The following TMED8 variants were observed in gnomAD, a reference collection of about 807,000 sequenced individuals.
TMED8 encodes the protein protein TMED8.
Under a neutral mutation model 32.7 loss-of-function variants are expected in TMED8, and 15 were observed. The observed-to-expected ratio is 0.46, with a 90% CI of 0.31 to 0.71. The LOEUF is 0.71. Ranked by LOEUF, TMED8 falls within the 30% of genes least tolerant of loss-of-function variation. The pLI is 0.06. For missense variants in TMED8, 390 were observed against 423.9 expected (o/e 0.92, Z 0.70); for synonymous variants, 147 against 161.4 (o/e 0.91, Z 0.68).
chr14:77,355,587 C>A (rs537739031), intron 1 of TMED8, among the ~76,000 whole-genome samples: 1 of 152,278 alleles, frequency 6.6e-6, no homozygotes, highest in African/African-American at 2.4e-5. Context: ...GTTGTCCCAC[C>A]AATTCTTAAC....
chr14:77,335,154 C>G lies in TMED8; in HGVS notation c.*6617G>C, dbSNP rs1446415422. 4 of 152,202 alleles carry G rather than the reference C, an allele frequency of 2.6e-5. No individual in the cohort carries two copies. Among genetic ancestry groups the G allele is most frequent in the African/African-American group, 7.2e-5 (3 of 41,448 alleles). The allele number at this position is 152,202 out of a possible 1,614,324, so 9.4% of individuals were successfully genotyped here. A position where few individuals can be genotyped will look rare whatever the true frequency, so the allele number is the denominator to read the frequency against. On this transcript the variant is annotated 3_prime_UTR_variant, in exon 6 of 6. Coordinates refer to ENST00000216468, the MANE Select transcript of TMED8 (RefSeq NM_213601.3). ...AAGAACTGAGCTACTTGAAGAAGCA[C>G]AGCTCAGAATCATCAGTGTAATCGC... is the stretch of plus-strand genomic sequence containing the variant.
chr14:77,358,181 T>TCACACACACACA (rs75880149), intron 1 of TMED8, among the ~76,000 whole-genome samples: 4 of 145,346 alleles, frequency 2.8e-5, no homozygotes, highest in Non-Finnish European at 6.0e-5. Flanking sequence ...ATGTAATATA[T>TCACACACACACA]CACACACACA....
chr14:77,361,624 G>A (rs774568372), intron 1 of TMED8, among the ~76,000 whole-genome samples: 7 of 152,118 alleles, frequency 4.6e-5, no homozygotes, highest in Non-Finnish European at 8.8e-5. Context: ...TTTGGATTGG[G>A]ATTGTGTTAA....
intron 2 of TMED8, 101 bp downstream of exon 2, chr14:77,351,572 C>T: frequency 8.6e-7 from 1 of 1,163,612 alleles, no homozygotes; most frequent in Non-Finnish European, 1.2e-6. Flanking sequence ...ACATTCTTTA[C>T]TTTAACTTGC....
intron 1 of TMED8, among the ~76,000 whole-genome samples, chr14:77,369,134 C>T (rs1255203592): frequency 6.6e-6 from 1 of 152,106 alleles, no homozygotes; most frequent in African/African-American, 2.4e-5. Context: ...ATTCAATTGT[C>T]CCAGAAACAT....
At chr14:77,349,348 C>T (rs1482689452) in intron 2 of TMED8, among the ~76,000 whole-genome samples, 2 of 151,914 alleles carry the variant, frequency 1.3e-5, no homozygotes, top group Non-Finnish European at 1.5e-5. Context: ...AAACTTCTGA[C>T]CTCAGATGAT....
chr14:77,345,659 CAAAAAAAAAAAA>C (rs11297608), intron 3 of TMED8, among the ~76,000 whole-genome samples: 15 of 103,232 alleles, frequency 1.5e-4, no homozygotes, highest in Admixed American at 3.0e-4. Context: ...ACCTTTGTCT[CAAAAAAAAAAAA>C]AAAAAAAAAA....
rs1358731144 is a variant in TMED8, at chr14:77,341,537, T to C, written c.*234A>G. 2 of 558,120 alleles carry C rather than the reference T, an allele frequency of 3.6e-6. No homozygotes were observed. The highest frequency in any genetic ancestry group is 6.4e-6 in the Non-Finnish European group (2 of 311,434). 34.6% of individuals were successfully genotyped at this position (558,120 alleles called of 1,614,324 possible). On this transcript the variant is annotated 3_prime_UTR_variant, in exon 6 of 6. Coordinates refer to ENST00000216468, the MANE Select transcript of TMED8 (RefSeq NM_213601.3). ...GCCTTCAAGAGGGAATTTGCTGGAG[T>C]CTGAAGCAAGAAGGGTATGAGTCAG...
At position 77,354,825 on chromosome 14, in the gene TMED8, G is replaced by C. The variant is rs558730936; in HGVS notation, c.119-3074C>G. Reference sequence around the variant, plus strand: ...CAAAATTAGGTAGGTGTGGTGGCGAGCACCTGTAATCCCAGCTACTTGGGA... The same window carrying C: ...CAAAATTAGGTAGGTGTGGTGGCGACCACCTGTAATCCCAGCTACTTGGGA... On this transcript the variant is annotated intron_variant, in intron 1 of 5. Transcript: ENST00000216468. Among the ~76,000 whole-genome samples the C allele has an allele frequency of 5.9e-5, 9 of 152,162 alleles. No homozygotes were observed. The East Asian group carries it at 1.7e-3, about 29-fold the overall frequency.
Position 77,336,643 on chromosome 14 carries a change from AC to A in TMED8, c.*5127del, listed in dbSNP as rs1892766933. 6.8e-6 allele frequency: 1 copy of A among 146,352 alleles called. No individual in the cohort carries two copies. The highest frequency in any genetic ancestry group is 6.8e-5 in the Admixed American group (1 of 14,650). 9.1% of individuals were successfully genotyped at this position (146,352 alleles called of 1,614,324 possible). On this transcript the variant is annotated 3_prime_UTR_variant, in exon 6 of 6. Transcript: ENST00000216468. ...TGCTCTCCCCTCCCCCCATACTCCTACCCTTTGCCCCCTAATTTTATTTTGT... is the reference window on the plus strand; with the variant it reads ...TGCTCTCCCCTCCCCCCATACTCCTACCTTTGCCCCCTAATTTTATTTTGT...
At chr14:77,361,410 T>C (rs76949800) in intron 1 of TMED8, among the ~76,000 whole-genome samples, 2,550 of 152,320 alleles carry the variant, frequency 0.017, 68 homozygotes, top group African/African-American at 0.058. Flanking sequence ...CTTGGGTTTG[T>C]TTCTAGGCTC....
intron 1 of TMED8, among the ~76,000 whole-genome samples, chr14:77,353,402 A>AT (rs1893222054): frequency 6.6e-6 from 1 of 151,274 alleles, no homozygotes; most frequent in African/African-American, 2.4e-5. Flanking sequence ...CTCATGTTTT[A>AT]TATGTGAACA....
intron 1 of TMED8, among the ~76,000 whole-genome samples, chr14:77,364,638 C>T (rs56091500): frequency 0.034 from 5,228 of 152,258 alleles, 117 homozygotes; most frequent in Middle Eastern, 0.082. Context: ...AGTGATCCTC[C>T]TGCCTCAGCC....
At chr14:77,344,819 C>T (rs1362313430) in intron 3 of TMED8, among the ~76,000 whole-genome samples, 2 of 152,098 alleles carry the variant, frequency 1.3e-5, no homozygotes, top group African/African-American at 4.8e-5. Context: ...GAGAATAAGC[C>T]CTCCAGTTCT....
intron 2 of TMED8, among the ~76,000 whole-genome samples, chr14:77,351,446 A>G (rs1320134801): frequency 2.2e-5 from 2 of 92,578 alleles, no homozygotes; most frequent in Non-Finnish European, 4.0e-5. Flanking sequence ...GATTTTTAGT[A>G]GAGACGGGGT....
intron 1 of TMED8, among the ~76,000 whole-genome samples, chr14:77,362,263 T>C (rs769408400): frequency 1.1e-4 from 16 of 151,744 alleles, no homozygotes; most frequent in Non-Finnish European, 1.6e-4. Flanking sequence ...GTGATGAGAG[T>C]GGTCATCCTT....
intron 2 of TMED8, among the ~76,000 whole-genome samples, chr14:77,347,868 A>G (rs74063338): frequency 0.017 from 2,520 of 152,318 alleles, 58 homozygotes; most frequent in African/African-American, 0.058. Flanking sequence ...TTTGAATGGC[A>G]GTTATCCAAG....
At chr14:77,354,719 C>G (rs905705155) in intron 1 of TMED8, among the ~76,000 whole-genome samples, 9 of 152,044 alleles carry the variant, frequency 5.9e-5, no homozygotes, top group African/African-American at 2.2e-4. Flanking sequence ...TTTGGGAGGC[C>G]GAGGAAGGTG....
intron 1 of TMED8, among the ~76,000 whole-genome samples, chr14:77,353,726 G>C (rs557007594): frequency 1.1e-4 from 17 of 151,838 alleles, no homozygotes; most frequent in African/African-American, 4.1e-4. Flanking sequence ...CTCCCAAAGT[G>C]CTGAGATTAC....
Sources: allele counts gnomAD v4.1 joint callset (sites outside exome capture counted in the v4.1 genomes callset), GRCh38; gene constraint gnomAD v4.1.1; transcripts MANE v1.5; gene names NCBI Gene and HGNC (gene_info 2026-07-23, HGNC 2026-07-21).